Variants in OSBPL5 observed in about 807,000 individuals in gnomAD.
OSBPL5 encodes the protein oxysterol binding protein like 5.
In OSBPL5, 71 loss-of-function variants were observed where a neutral mutation model predicts 111.2. The ratio of observed to expected loss-of-function variants is 0.64; its 90% CI spans 0.53 to 0.78. The LOEUF is 0.78. Among genes scored for constraint, OSBPL5 ranks in the 30% least tolerant of loss-of-function variants. The pLI is 0.00. For synonymous variants in OSBPL5, 549 were observed against 513.9 expected (o/e 1.07, Z -0.93); for missense variants, 1,210 against 1,189.3 (o/e 1.02, Z -0.26).
intron 14 of OSBPL5, chr11:3,094,991 C>T (rs1027108881): frequency 6.6e-6 from 1 of 152,062 alleles, no homozygotes; most frequent in Non-Finnish European, 1.5e-5. Context: ...CAAACATTTG[C>T]ACTCTAAAAA....
Position 3,154,338 on chromosome 11 carries a change from T to C in OSBPL5, c.-22+10878A>G, listed in dbSNP as rs4536189. Among the ~76,000 whole-genome samples the C allele has an allele frequency of 0.99, 150,425 of 152,322 alleles. 74,396 individuals are homozygous for C. Among genetic ancestry groups the C allele is most frequent in the Non-Finnish European group, 1 (67,905 of 68,036 alleles). ...CAAACATGCCGAGTCACCCACATCC[T>C]GGCCTCCCCGCCCACTTTGCCGGTG... On this transcript the variant is annotated intron_variant, in intron 1 of 21. Coordinates refer to ENST00000263650, the MANE Select transcript of OSBPL5 (RefSeq NM_020896.4). This position sits in a 1 kb window ranked among gnomAD's most constrained non-coding sequence, Gnocchi z 4.9.
intron 1 of OSBPL5, among the ~76,000 whole-genome samples, chr11:3,155,671 A>C (rs1209398253): frequency 6.6e-6 from 1 of 151,786 alleles, no homozygotes; most frequent in Non-Finnish European, 1.5e-5. Flanking sequence ...CAGCTCTGCC[A>C]CTCACCCCAG....
intron 1 of OSBPL5, among the ~76,000 whole-genome samples, chr11:3,150,891 C>T (rs1267815419): frequency 6.6e-6 from 1 of 152,198 alleles, no homozygotes; most frequent in South Asian, 2.1e-4. Context: ...GATCCTAGTC[C>T]GTCTTCCCAG....
chr11:3,107,546 C>G lies in OSBPL5; in HGVS notation c.867-91G>C, dbSNP rs540370707. 4 of 1,444,472 alleles carry G rather than the reference C, an allele frequency of 2.8e-6. No homozygotes were observed. The highest frequency in any genetic ancestry group is 3.7e-5 in the Admixed American group (2 of 54,094). 89.5% of individuals were successfully genotyped at this position (1,444,472 alleles called of 1,614,324 possible). On this transcript the variant is annotated intron_variant, in intron 8 of 21. Transcript: ENST00000263650. This position sits in a 1 kb window ranked among gnomAD's most constrained non-coding sequence, Gnocchi z 6.1. ...GCCCACCCCTCGCTGCTCCGCACTT[C>G]ACATACGTTCCTGCCTGTCGTCACC...
intron 1 of OSBPL5, among the ~76,000 whole-genome samples, chr11:3,152,533 A>G (rs1052600041): frequency 6.6e-6 from 1 of 152,166 alleles, no homozygotes; most frequent in Non-Finnish European, 1.5e-5. Flanking sequence ...GGTTTTCACC[A>G]GGTCCCCTTC....
intron 1 of OSBPL5, among the ~76,000 whole-genome samples, chr11:3,136,974 A>G (rs1220604189): frequency 6.6e-6 from 1 of 152,266 alleles, no homozygotes; most frequent in Non-Finnish European, 1.5e-5. Context: ...ATAAAGGAAC[A>G]TAAGCCCAAA....
chr11:3,097,760 G>C (rs1475480961), intron 14 of OSBPL5, among the ~76,000 whole-genome samples: 2 of 152,174 alleles, frequency 1.3e-5, no homozygotes, highest in African/African-American at 4.8e-5. Flanking sequence ...AAGGAACAAT[G>C]CACGAGTATA....
At position 3,110,848 on chromosome 11, in the gene OSBPL5, C is replaced by G. The variant is rs1000503834; in HGVS notation, c.692-2903G>C. On this transcript the variant is annotated intron_variant, in intron 7 of 21. Coordinates refer to ENST00000263650, the MANE Select transcript of OSBPL5 (RefSeq NM_020896.4). The surrounding 1 kb of genome is among the most constrained non-coding windows in gnomAD (Gnocchi z 5.3). ...TCATCTTACATATGTTGGTTAATGT[C>G]TCATGTCTCCCTAAAACCAAACTGT... 4.6e-5 allele frequency among the ~76,000 whole-genome samples: 7 copies of G among 152,162 alleles called. No homozygotes were observed. The highest frequency in any genetic ancestry group is 1.0e-4 in the Non-Finnish European group (7 of 68,042).
At position 3,106,976 on chromosome 11, in the gene OSBPL5, C is replaced by T. The variant is rs996511174; in HGVS notation, c.1059+287G>A. On this transcript the variant is annotated intron_variant, in intron 9 of 21. Coordinates refer to ENST00000263650, the MANE Select transcript of OSBPL5 (RefSeq NM_020896.4). The surrounding 1 kb of genome is among the most constrained non-coding windows in gnomAD (Gnocchi z 8.4). ...CTTGAGCCTCCTGTTCTCCCATCAG[C>T]GCATTCCAGCCCAAGGAGGGAGTTG... Among the ~76,000 whole-genome samples, 11 of 152,312 alleles carry T rather than the reference C, an allele frequency of 7.2e-5. No individual in the cohort carries two copies. Among genetic ancestry groups the T allele is most frequent in the East Asian group, 1.9e-4 (1 of 5,174 alleles).
chr11:3,141,471 TG>T lies in OSBPL5; in HGVS notation c.-21-12303del, dbSNP rs557719202. Among the ~76,000 whole-genome samples the T allele has an allele frequency of 3.2e-4, 49 of 151,628 alleles. No individual in the cohort carries two copies. The highest frequency in any genetic ancestry group is 4.1e-4 in the Non-Finnish European group (28 of 67,872). On this transcript the variant is annotated intron_variant, in intron 1 of 21. Transcript: ENST00000263650. The surrounding 1 kb of genome is among the most constrained non-coding windows in gnomAD (Gnocchi z 6.5). ...GGCCCCCAATCTGTCTCTCAGGAAA[TG>T]GGGGGGGTCTCAAACAGAAGGACCC...
chr11:3,162,500 G>A lies in OSBPL5; in HGVS notation c.-22+2716C>T, dbSNP rs1280893791. Reference sequence around the variant, plus strand: ...CAGCACAAGGCAATCTCACATCCTCGTGGACATGATCCCAGAGGCCCTGGC... The same window carrying A: ...CAGCACAAGGCAATCTCACATCCTCATGGACATGATCCCAGAGGCCCTGGC... On this transcript the variant is annotated intron_variant, in intron 1 of 21. Transcript: ENST00000263650. The surrounding 1 kb of genome is among the most constrained non-coding windows in gnomAD (Gnocchi z 8.1). Among the ~76,000 whole-genome samples, 5 of 151,702 alleles carry A rather than the reference G, an allele frequency of 3.3e-5. No individual in the cohort carries two copies. In the East Asian group the frequency reaches 5.9e-4, roughly 18 times the overall value.
chr11:3,132,009 GCATCCATC>G (rs57904462), intron 1 of OSBPL5, among the ~76,000 whole-genome samples: 74 of 40,154 alleles, frequency 1.8e-3, no homozygotes, highest in South Asian at 4.4e-3. Flanking sequence ...TCCCTTTCAG[GCATCCATC>G]CATCCATCCA....
intron 20 of OSBPL5, 22 bp from the exon 21 acceptor site, chr11:3,089,970 CA>C: frequency 6.7e-7 from 1 of 1,503,670 alleles, no homozygotes; most frequent in Non-Finnish European, 8.9e-7. Flanking sequence ...CCGAGTGAGA[CA>C]AAGGAGGGGA....
At chr11:3,153,401 G>GAACA (rs1031461254) in intron 1 of OSBPL5, among the ~76,000 whole-genome samples, 6 of 152,152 alleles carry the variant, frequency 3.9e-5, no homozygotes, top group African/African-American at 1.4e-4. Context: ...GATATGCACG[G>GAACA]AACAGGGCAA....
At chr11:3,133,918 A>G (rs1417531037) in intron 1 of OSBPL5, among the ~76,000 whole-genome samples, 3 of 151,810 alleles carry the variant, frequency 2.0e-5, no homozygotes, top group African/African-American at 7.2e-5. Flanking sequence ...AAGGAGGCTC[A>G]TTCTGGAGGC....
intron 5 of OSBPL5, among the ~76,000 whole-genome samples, 192 bp from the exon 6 acceptor site, chr11:3,120,816 C>A (rs1184346643): frequency 6.6e-6 from 1 of 152,216 alleles, no homozygotes; most frequent in Non-Finnish European, 1.5e-5. Flanking sequence ...TGTCCTGTGT[C>A]TATCGTGTAC....
chr11:3,148,111 G>T (rs995972895), intron 1 of OSBPL5, among the ~76,000 whole-genome samples: 1 of 152,228 alleles, frequency 6.6e-6, no homozygotes, highest in Admixed American at 6.5e-5. Flanking sequence ...CATGGAGTAG[G>T]TGCCAGTGAA....
In OSBPL5 at chr11:3,105,582, C is replaced by A. The variant is rs72844069; in HGVS notation, c.1060-1205G>T. On this transcript the variant is annotated intron_variant, in intron 9 of 21. Coordinates refer to ENST00000263650, the MANE Select transcript of OSBPL5 (RefSeq NM_020896.4). This position sits in a 1 kb window ranked among gnomAD's most constrained non-coding sequence, Gnocchi z 5.2. ...CGTCTTCTCTACTGAGACTGTCTTG[C>A]CGTAGGTCCCCACCACTCCTCACTG... Among the ~76,000 whole-genome samples, 14,764 of 152,170 alleles carry A rather than the reference C, an allele frequency of 0.097. 862 individuals carry two copies. The highest frequency in any genetic ancestry group is 0.13 in the Non-Finnish European group (9,111 of 67,970).
intron 1 of OSBPL5, among the ~76,000 whole-genome samples, chr11:3,153,759 C>G (rs960154099): frequency 2.6e-5 from 4 of 152,284 alleles, no homozygotes; most frequent in Non-Finnish European, 4.4e-5. Flanking sequence ...TGCCGGGAAG[C>G]ACAGCCCCAA....
Sources: allele counts gnomAD v4.1 joint callset (sites outside exome capture counted in the v4.1 genomes callset), GRCh38; gene constraint gnomAD v4.1.1; non-coding constraint Gnocchi (gnomAD v3.1); transcripts MANE v1.5; gene names NCBI Gene and HGNC (gene_info 2026-07-23, HGNC 2026-07-21).